The following CBLB variants were observed in gnomAD, a reference collection of about 807,000 sequenced individuals.
CBLB encodes E3 ubiquitin-protein ligase CBL-B.
CBLB carries 31 observed loss-of-function variants against 104.9 expected under a neutral mutation model. That is an observed-to-expected ratio of 0.30 (90% CI 0.22 to 0.40). The LOEUF (loss-of-function observed/expected upper bound fraction) is 0.40, where lower values mean the gene tolerates loss of function less well. Ranked by LOEUF, CBLB falls within the 10% of genes least tolerant of loss-of-function variation. CBLB has a pLI of 1.00. For synonymous variants in CBLB, 440 were observed against 422.6 expected, an observed-to-expected ratio of 1.04 and a Z score of -0.51; for missense variants, 1,062 against 1,214.6, an observed-to-expected ratio of 0.87 and a Z score of 1.87.
At position 105,720,184 on chromosome 3, in the gene CBLB, C is replaced by G. The variant is rs1487954629; in HGVS notation, c.1270G>C (p.Asp424His). The G allele has an allele frequency of 6.2e-7, 1 of 1,613,758 alleles. No individual in the cohort carries two copies. The highest frequency in any genetic ancestry group is 8.5e-7 in the Non-Finnish European group (1 of 1,179,934). ...CCTTCATCTCTTGGATCAAAGGGGT[C>G]CACGATTATGGGCTCAGTTCCTTTT... ...EIKGTEPIIVDPFDPRDEGSR... is the reference protein window; with the variant it reads ...EIKGTEPIIVHPFDPRDEGSR... Residue 424 changes from aspartate (D) to histidine (H), a missense_variant, in exon 10 of 19, where the codon GAC (aspartate) becomes CAC (histidine). Physicochemically the swap from Asp to His is moderately conservative, Grantham distance 81. Around this residue, in one of 2 missense-constraint regions of CBLB, gnomAD observed 457 missense variants for 632.0 expected, o/e 0.72. Transcript: ENST00000394030.
intron 9 of CBLB, among the ~76,000 whole-genome samples, chr3:105,729,686 C>T (rs56273434): frequency 6.6e-6 from 1 of 151,918 alleles, no homozygotes; most frequent in African/African-American, 2.4e-5. Flanking sequence ...TAATTTTGTT[C>T]TTCTTACTGA....
intron 3 of CBLB, among the ~76,000 whole-genome samples, chr3:105,806,661 G>A (rs935635389): frequency 7.9e-5 from 12 of 152,088 alleles, no homozygotes; most frequent in African/African-American, 2.6e-4. Flanking sequence ...GTCATACCAA[G>A]TTACTTTTAA....
chr3:105,740,764 TCTAA>T (rs1412833723), intron 6 of CBLB, 133 bp from the exon 7 acceptor site: 3 of 772,340 alleles, frequency 3.9e-6, no homozygotes, highest in Non-Finnish European at 6.6e-6. Context: ...TATTCTGTCT[TCTAA>T]CTTATTTTTA....
chr3:105,670,621 G>A (rs868635659), intron 17 of CBLB: 2 of 398,654 alleles, frequency 5.0e-6, no homozygotes, highest in Non-Finnish European at 4.6e-6. Context: ...TTATAAGATT[G>A]TTGACAATAA....
intron 18 of CBLB, among the ~76,000 whole-genome samples, chr3:105,664,085 TG>T (rs1242053270): frequency 3.3e-5 from 5 of 152,142 alleles, no homozygotes; most frequent in Non-Finnish European, 5.9e-5. Flanking sequence ...ATCTAAAGAT[TG>T]GGTTGGGTTT....
intron 3 of CBLB, among the ~76,000 whole-genome samples, chr3:105,794,888 T>C (rs1006493008): frequency 4.0e-5 from 6 of 151,510 alleles, no homozygotes; most frequent in Admixed American, 1.3e-4. Context: ...CCAAAAGACA[T>C]GCACAGAACC....
chr3:105,770,566 T>C (rs2078752046), intron 4 of CBLB, among the ~76,000 whole-genome samples: 1 of 152,116 alleles, frequency 6.6e-6, no homozygotes, highest in Middle Eastern at 3.2e-3. Flanking sequence ...TTTTGTAATA[T>C]AATCTCGAGT....
chr3:105,715,159 C>T (rs2152814854), intron 10 of CBLB, among the ~76,000 whole-genome samples: 1 of 152,282 alleles, frequency 6.6e-6, no homozygotes, highest in Non-Finnish European at 1.5e-5. Context: ...TGTTTTTTAG[C>T]TCTGATCTGA....
chr3:105,743,612 T>C (rs377300051), intron 6 of CBLB, among the ~76,000 whole-genome samples: 11 of 152,014 alleles, frequency 7.2e-5, no homozygotes, highest in African/African-American at 2.4e-4. Context: ...ACCCCATAAC[T>C]CATATTTTGT....
intron 4 of CBLB, among the ~76,000 whole-genome samples, chr3:105,770,670 A>G (rs1260743464): frequency 6.6e-6 from 1 of 152,182 alleles, no homozygotes; most frequent in African/African-American, 2.4e-5. Context: ...GTGCCTGGCC[A>G]TGCCTGGGAA....
intron 4 of CBLB, among the ~76,000 whole-genome samples, chr3:105,753,805 A>T (rs541712387): frequency 1.3e-4 from 20 of 152,252 alleles, no homozygotes; most frequent in Admixed American, 7.8e-4. Flanking sequence ...TCAATTCATA[A>T]CTCTTTTGAG....
chr3:105,787,779 A>G (rs1244905926), intron 3 of CBLB, among the ~76,000 whole-genome samples: 2 of 152,142 alleles, frequency 1.3e-5, no homozygotes, highest in Non-Finnish European at 2.9e-5. Flanking sequence ...CTTGACTTTT[A>G]TTTTGTTCTT....
At chr3:105,749,033 T>C (rs2076367721) in intron 5 of CBLB, among the ~76,000 whole-genome samples, 1 of 152,214 alleles carries the variant, frequency 6.6e-6, no homozygotes, top group Admixed American at 6.5e-5. Flanking sequence ...TCATACAGAA[T>C]ATATAAATGT....
intron 18 of CBLB, among the ~76,000 whole-genome samples, chr3:105,666,722 T>C (rs1437237568): frequency 6.6e-6 from 1 of 152,058 alleles, no homozygotes; most frequent in Non-Finnish European, 1.5e-5. Flanking sequence ...AGGACATGAT[T>C]TAATAAACTA....
chr3:105,784,762 T>C (rs2080760869), intron 3 of CBLB, among the ~76,000 whole-genome samples: 1 of 152,184 alleles, frequency 6.6e-6, no homozygotes, highest in African/African-American at 2.4e-5. Flanking sequence ...TTTTGACAAA[T>C]CAAGGATGGC....
intron 4 of CBLB, among the ~76,000 whole-genome samples, chr3:105,771,289 T>C (rs544228308): frequency 1.3e-5 from 2 of 152,196 alleles, no homozygotes; most frequent in African/African-American, 4.8e-5. Flanking sequence ...TAAAAATATA[T>C]ATAATCATCT....
At chr3:105,809,973 A>G (rs185690134) in intron 3 of CBLB, among the ~76,000 whole-genome samples, 2 of 152,344 alleles carry the variant, frequency 1.3e-5, no homozygotes, top group Admixed American at 6.5e-5. Context: ...GCAAACTAGC[A>G]AGCCTAAAAT....
Position 105,842,663 on chromosome 3 carries a change from G to A in CBLB, c.419+10751C>T, listed in dbSNP as rs79158699. Among the ~76,000 whole-genome samples the A allele has an allele frequency of 5.2e-3, 793 of 152,328 alleles. 5 individuals carry two copies. The highest frequency in any genetic ancestry group is 0.018 in the African/African-American group (765 of 41,582). On this transcript the variant is annotated intron_variant, in intron 3 of 18. Coordinates refer to ENST00000394030, the MANE Select transcript of CBLB (RefSeq NM_170662.5). ...CAATTCAAGATAAGAAGACAGACAC[G>A]TGTGGAGTTGCCCTTCCCCTTTCCT...
intron 3 of CBLB, among the ~76,000 whole-genome samples, chr3:105,791,773 T>C (rs983779966): frequency 2.0e-5 from 3 of 152,338 alleles, no homozygotes; most frequent in East Asian, 1.9e-4. Flanking sequence ...CATGGGGATA[T>C]CTGTAAATAG....
Sources: allele counts gnomAD v4.1 joint callset (sites outside exome capture counted in the v4.1 genomes callset), GRCh38; gene constraint gnomAD v4.1.1; regional missense constraint gnomAD v4.1.1; transcripts MANE v1.5; gene names NCBI Gene and HGNC (gene_info 2026-07-23, HGNC 2026-07-21).